Variants in PPM1L observed in about 807,000 individuals in gnomAD.
PPM1L encodes the protein protein phosphatase, Mg2+/Mn2+ dependent 1L, also known as protein phosphatase 1L.
A neutral mutation model predicts 31.4 loss-of-function variants in PPM1L; 13 were observed. That is an observed-to-expected ratio of 0.41 (90% CI 0.27 to 0.66). The LOEUF is 0.66. PPM1L is among the 30% of genes least tolerant of loss of function. The pLI, the probability that PPM1L is intolerant of heterozygous loss-of-function variation, is 0.29. For missense variants in PPM1L, 326 were observed against 453.7 expected, an observed-to-expected ratio of 0.72 and a Z score of 2.56; for synonymous variants, 184 against 175.4, an observed-to-expected ratio of 1.05 and a Z score of -0.39.
At chr3:160,920,521 C>T (rs758238472) in intron 1 of PPM1L, among the ~76,000 whole-genome samples, 11 of 151,382 alleles carry the variant, frequency 7.3e-5, no homozygotes, top group Non-Finnish European at 1.2e-4. Flanking sequence ...CTCCCATCTA[C>T]CAAGGATAGA....
At chr3:160,834,233 C>T (rs1713621486) in intron 1 of PPM1L, among the ~76,000 whole-genome samples, 1 of 151,914 alleles carries the variant, frequency 6.6e-6, no homozygotes, top group Non-Finnish European at 1.5e-5. Context: ...CTGTGTTAGC[C>T]AGGGTGATCT....
chr3:160,948,731 T>G (rs903369971), intron 1 of PPM1L, among the ~76,000 whole-genome samples: 3 of 152,156 alleles, frequency 2.0e-5, no homozygotes, highest in Admixed American at 2.0e-4. Flanking sequence ...GCTGTGGCAC[T>G]GAGGGTTGAA....
intron 1 of PPM1L, among the ~76,000 whole-genome samples, chr3:160,761,042 A>G (rs1714956100): frequency 1.3e-5 from 2 of 152,184 alleles, no homozygotes; most frequent in South Asian, 4.1e-4. Flanking sequence ...GAATATATAT[A>G]TAGTCTTATT....
At chr3:160,802,807 A>G (rs1425237600) in intron 1 of PPM1L, among the ~76,000 whole-genome samples, 1 of 152,210 alleles carries the variant, frequency 6.6e-6, no homozygotes, top group African/African-American at 2.4e-5. Flanking sequence ...AGTACTTTTT[A>G]AAAGGTACTT....
chr3:160,848,386 C>G (rs967633012), intron 1 of PPM1L, among the ~76,000 whole-genome samples: 1 of 152,048 alleles, frequency 6.6e-6, no homozygotes, highest in Non-Finnish European at 1.5e-5. Flanking sequence ...TTTTTTTTCC[C>G]GTTGCTTTCT....
At chr3:160,901,824 G>A (rs1560144651) in intron 1 of PPM1L, among the ~76,000 whole-genome samples, 2 of 152,094 alleles carry the variant, frequency 1.3e-5, no homozygotes, top group Non-Finnish European at 1.5e-5. Flanking sequence ...GGGAAACACT[G>A]TTTATCTTTC....
Position 161,075,821 on chromosome 3 carries a change from T to C in PPM1L, c.*6664T>C, listed in dbSNP as rs1247620763. On this transcript the variant is annotated 3_prime_UTR_variant, in exon 4 of 4. Transcript: ENST00000498165. Reference sequence around the variant, plus strand: ...GAACATTCTCAGTTATTTGCGAAGTTAGTAAAATTGCAGTCCCTATTCCAT... The same window carrying C: ...GAACATTCTCAGTTATTTGCGAAGTCAGTAAAATTGCAGTCCCTATTCCAT... 2.0e-5 allele frequency: 3 copies of C among 152,216 alleles called. No homozygotes were observed. Among genetic ancestry groups the C allele is most frequent in the African/African-American group, 7.2e-5 (3 of 41,438 alleles). 9.4% of individuals were successfully genotyped at this position (152,216 alleles called of 1,614,324 possible). A position where few individuals can be genotyped will look rare whatever the true frequency, so the allele number is the denominator to read the frequency against.
At chr3:160,956,652 G>A (rs1392814398) in intron 1 of PPM1L, among the ~76,000 whole-genome samples, 2 of 152,254 alleles carry the variant, frequency 1.3e-5, no homozygotes, top group Admixed American at 1.3e-4. Context: ...ACAGCTTTAA[G>A]TGTGAAACAC....
chr3:160,846,862 T>A (rs1211856066), intron 1 of PPM1L, among the ~76,000 whole-genome samples: 1 of 152,120 alleles, frequency 6.6e-6, no homozygotes, highest in Admixed American at 6.5e-5. Context: ...TTGCTTATTA[T>A]TTATTTATTT....
At chr3:161,051,089 TC>T (rs1719260514) in intron 2 of PPM1L, among the ~76,000 whole-genome samples, 1 of 152,056 alleles carries the variant, frequency 6.6e-6, no homozygotes, top group Non-Finnish European at 1.5e-5. Context: ...AGGTCTCACT[TC>T]CTCCCAGCTA....
chr3:160,816,043 A>ATACC (rs1560115346), intron 1 of PPM1L, among the ~76,000 whole-genome samples: 1 of 152,188 alleles, frequency 6.6e-6, no homozygotes, highest in East Asian at 1.9e-4. Context: ...TTGCACAAAT[A>ATACC]TACCATCAGC....
intron 1 of PPM1L, among the ~76,000 whole-genome samples, chr3:160,897,042 C>CTTTTTTTTT (rs11298068): frequency 9.3e-6 from 1 of 107,440 alleles, no homozygotes; most frequent in Non-Finnish European, 1.9e-5. Context: ...ACTACTGACT[C>CTTTTTTTTT]TTTTTTTTTT....
intron 1 of PPM1L, among the ~76,000 whole-genome samples, chr3:160,865,293 A>G (rs879816150): frequency 4.6e-5 from 7 of 152,224 alleles, no homozygotes; most frequent in Non-Finnish European, 7.3e-5. Context: ...TGTTCATCAA[A>G]TCCTAGAAAC....
chr3:160,787,439 T>C (rs1356122522), intron 1 of PPM1L, among the ~76,000 whole-genome samples: 2 of 152,276 alleles, frequency 1.3e-5, no homozygotes, highest in East Asian at 3.9e-4. Flanking sequence ...GCCCATTTTT[T>C]GATGGGGTTG....
At chr3:160,848,610 T>G (rs1028861311) in intron 1 of PPM1L, among the ~76,000 whole-genome samples, 1 of 152,150 alleles carries the variant, frequency 6.6e-6, no homozygotes, top group East Asian at 1.9e-4. Context: ...CACTGGGGCA[T>G]CTCCCTCTGT....
intron 2 of PPM1L, among the ~76,000 whole-genome samples, chr3:161,058,209 C>T (rs1719475364): frequency 7.1e-6 from 1 of 141,246 alleles, no homozygotes; most frequent in African/African-American, 2.6e-5. Flanking sequence ...ACTGCAACCT[C>T]TGTCTCGCGG....
chr3:161,059,222 G>A (rs1388202583), intron 2 of PPM1L, among the ~76,000 whole-genome samples: 1 of 152,166 alleles, frequency 6.6e-6, no homozygotes, highest in Non-Finnish European at 1.5e-5. Flanking sequence ...GCTTTGGATG[G>A]TGTGGTGAGG....
At chr3:160,767,059 C>G (rs1715120881) in intron 1 of PPM1L, among the ~76,000 whole-genome samples, 2 of 152,094 alleles carry the variant, frequency 1.3e-5, no homozygotes, top group Non-Finnish European at 2.9e-5. Flanking sequence ...AGCTAGGCAT[C>G]TATGGGTCTA....
At chr3:160,849,930 T>C (rs1011382528) in intron 1 of PPM1L, among the ~76,000 whole-genome samples, 7 of 152,162 alleles carry the variant, frequency 4.6e-5, no homozygotes, top group Non-Finnish European at 1.0e-4. Flanking sequence ...TTCTGGCCAC[T>C]AAAATATGTG....
Sources: allele counts gnomAD v4.1 joint callset (sites outside exome capture counted in the v4.1 genomes callset), GRCh38; gene constraint gnomAD v4.1.1; transcripts MANE v1.5; gene names NCBI Gene and HGNC (gene_info 2026-07-23, HGNC 2026-07-21).